GALNT10: variants seen among roughly 807,000 people sequenced by gnomAD.
GALNT10 encodes the protein GalNAc transferase 10.
GALNT10 carries 41 observed loss-of-function variants against 75.0 expected under a neutral mutation model. The ratio of observed to expected loss-of-function variants is 0.55; its 90% confidence interval spans 0.43 to 0.71. The LOEUF is 0.71. GALNT10 is among the 30% of genes least tolerant of loss of function. The pLI, the probability that GALNT10 is intolerant of heterozygous loss-of-function variation, is 0.00. For missense variants in GALNT10, 727 were observed against 818.5 expected (o/e 0.89, Z 1.36); for synonymous variants, 302 against 313.0 (o/e 0.96, Z 0.37).
chr5:154,386,536 G>A, intron 7 of GALNT10, 106 bp downstream of exon 7: 1 of 733,112 alleles, frequency 1.4e-6, no homozygotes, highest in South Asian at 1.4e-5. Flanking sequence ...GAGGCCTCAG[G>A]GTTCTGTAGC....
At chr5:154,344,403 G>A (rs1446292378) in intron 4 of GALNT10, among the ~76,000 whole-genome samples, 1 of 151,742 alleles carries the variant, frequency 6.6e-6, no homozygotes, top group East Asian at 1.9e-4. Flanking sequence ...ATAGAAACAG[G>A]GTTTCACTAT....
chr5:154,400,667 C>T (rs143038384), intron 7 of GALNT10, among the ~76,000 whole-genome samples: 112 of 152,266 alleles, frequency 7.4e-4, no homozygotes, highest in African/African-American at 2.6e-3. Context: ...TGGTAAAAGG[C>T]AATGAAGCAA....
intron 2 of GALNT10, among the ~76,000 whole-genome samples, chr5:154,297,443 AG>A (rs1474836096): frequency 6.6e-6 from 1 of 152,260 alleles, no homozygotes; most frequent in Admixed American, 6.5e-5. Context: ...GTTTACAAAA[AG>A]CTTTCAAATA....
At chr5:154,191,056 C>T in intron 1 of GALNT10, 31 bp downstream of exon 1, 2 of 1,355,992 alleles carry the variant, frequency 1.5e-6, no homozygotes, top group South Asian at 3.1e-5. Context: ...AGGCCGGGAA[C>T]ACCCCCTTCC....
At chr5:154,377,389 C>T (rs1755664700) in intron 5 of GALNT10, among the ~76,000 whole-genome samples, 1 of 152,186 alleles carries the variant, frequency 6.6e-6, no homozygotes, top group African/African-American at 2.4e-5. Flanking sequence ...TGGGTAAGCT[C>T]TGCACTACAG....
chr5:154,362,578 T>G (rs1755407062), intron 4 of GALNT10, among the ~76,000 whole-genome samples: 1 of 152,238 alleles, frequency 6.6e-6, no homozygotes, highest in Non-Finnish European at 1.5e-5. Context: ...AGTCCTTAGC[T>G]GGATTTTCAC....
intron 3 of GALNT10, among the ~76,000 whole-genome samples, chr5:154,312,460 A>C (rs772637439): frequency 1.1e-4 from 16 of 152,194 alleles, no homozygotes; most frequent in Non-Finnish European, 2.2e-4. Flanking sequence ...CAGTATATAG[A>C]GACATATGAA....
chr5:154,227,429 A>G (rs994848721), intron 1 of GALNT10, among the ~76,000 whole-genome samples: 2 of 152,216 alleles, frequency 1.3e-5, no homozygotes, highest in Non-Finnish European at 2.9e-5. Context: ...ATCTTTTTGC[A>G]TGCTTATTTC....
intron 7 of GALNT10, among the ~76,000 whole-genome samples, chr5:154,399,692 G>A (rs1756117956): frequency 1.3e-5 from 2 of 152,174 alleles, no homozygotes; most frequent in South Asian, 4.1e-4. Context: ...AATCAGTCTT[G>A]ATTCACCTCC....
At chr5:154,398,902 G>C (rs985510250) in intron 7 of GALNT10, among the ~76,000 whole-genome samples, 1 of 152,224 alleles carries the variant, frequency 6.6e-6, no homozygotes, top group Admixed American at 6.5e-5. Context: ...ACTTGATGTT[G>C]TTTGGCAGAG....
At position 154,417,118 on chromosome 5, in the gene GALNT10, C is replaced by A; in HGVS notation, c.*146C>A. 1 of 690,936 alleles carries A rather than the reference C, an allele frequency of 1.4e-6. No individual in the cohort carries two copies. Among genetic ancestry groups the A allele is most frequent in the South Asian group, 1.8e-5 (1 of 55,108 alleles). The allele number at this position is 690,936 out of a possible 1,614,324, so 42.8% of individuals were successfully genotyped here. ...GTGAAGAGGGCTCTTGATTCAGGGG[C>A]TGGGGTCTGCCTGGTCCTTGAGCCC... On this transcript the variant is annotated 3_prime_UTR_variant, in exon 12 of 12. Coordinates refer to ENST00000297107, the MANE Select transcript of GALNT10 (RefSeq NM_198321.4).
At chr5:154,227,565 G>A (rs1753083783) in intron 1 of GALNT10, among the ~76,000 whole-genome samples, 1 of 152,064 alleles carries the variant, frequency 6.6e-6, no homozygotes, top group South Asian at 2.1e-4. Flanking sequence ...TATTTTATCA[G>A]AGATATGTTT....
chr5:154,377,388 T>C (rs1424166850), intron 5 of GALNT10, among the ~76,000 whole-genome samples: 1 of 152,168 alleles, frequency 6.6e-6, no homozygotes, highest in African/African-American at 2.4e-5. Context: ...ATGGGTAAGC[T>C]CTGCACTACA....
rs1756552328 is a variant in GALNT10, at chr5:154,418,073, C to G, written c.*1101C>G. The stretch of plus-strand genomic sequence containing the variant: ...TACATAGGATTCTGGTATTCCACAT[C>G]CAATATGGATTTCTAGAATGCTGTG... On this transcript the variant is annotated 3_prime_UTR_variant, in exon 12 of 12. Transcript: ENST00000297107. 1 of 152,194 alleles carries G rather than the reference C, an allele frequency of 6.6e-6. No homozygotes were observed. Among genetic ancestry groups the G allele is most frequent in the Non-Finnish European group, 1.5e-5 (1 of 68,032 alleles). 9.4% of individuals were successfully genotyped at this position (152,194 alleles called of 1,614,324 possible).
At chr5:154,301,094 T>G (rs908635315) in intron 3 of GALNT10, among the ~76,000 whole-genome samples, 1 of 152,198 alleles carries the variant, frequency 6.6e-6, no homozygotes, top group African/African-American at 2.4e-5. Context: ...AGAAACCTCT[T>G]TTTCATCGAA....
chr5:154,226,852 C>T (rs1753070802), intron 1 of GALNT10, among the ~76,000 whole-genome samples: 1 of 151,894 alleles, frequency 6.6e-6, no homozygotes, highest in African/African-American at 2.4e-5. Flanking sequence ...CCTCCTGCAC[C>T]TCCTCTAATC....
chr5:154,414,357 A>T (rs1756461931), intron 10 of GALNT10, among the ~76,000 whole-genome samples: 1 of 152,258 alleles, frequency 6.6e-6, no homozygotes, highest in Non-Finnish European at 1.5e-5. Flanking sequence ...GAAACCACCA[A>T]GATGTCCTGT....
At chr5:154,238,687 T>C (rs1163987208) in intron 1 of GALNT10, among the ~76,000 whole-genome samples, 4 of 152,180 alleles carry the variant, frequency 2.6e-5, no homozygotes, top group Admixed American at 6.5e-5. Flanking sequence ...GGGGATTCAT[T>C]AGCACTGGGA....
chr5:154,227,496 AT>A (rs1165621957), intron 1 of GALNT10, among the ~76,000 whole-genome samples: 2 of 152,088 alleles, frequency 1.3e-5, no homozygotes, highest in African/African-American at 4.8e-5. Context: ...CATTTGAAAA[AT>A]TTGGTTGTTG....
Sources: gnomAD v4.1 joint callset for allele counts (sites outside exome capture counted in the v4.1 genomes callset) on GRCh38, gnomAD v4.1.1 for gene constraint, MANE v1.5 for transcripts, NCBI Gene and HGNC (gene_info 2026-07-23, HGNC 2026-07-21) for gene names.